Variants in GPC6 observed in about 807,000 individuals in gnomAD.
The protein encoded by GPC6 is glypican 6, also known as glypican-6.
A neutral mutation model predicts 55.2 loss-of-function variants in GPC6; 14 were observed. That is an observed-to-expected ratio of 0.25 (90% CI 0.17 to 0.40). The LOEUF is 0.40. Among genes scored for constraint, GPC6 ranks in the 10% least tolerant of loss-of-function variants. GPC6 has a pLI of 1.00. For synonymous variants in GPC6, 278 were observed against 259.6 expected (o/e 1.07, Z -0.68); for missense variants, 641 against 708.5 (o/e 0.90, Z 1.08).
intron 4 of GPC6, among the ~76,000 whole-genome samples, chr13:94,154,758 A>G (rs1887867515): frequency 6.6e-6 from 1 of 152,214 alleles, no homozygotes; most frequent in South Asian, 2.1e-4. Flanking sequence ...TCTGCCTTTT[A>G]AGACGTTCTG....
At chr13:93,504,621 A>G (rs577958169) in intron 1 of GPC6, among the ~76,000 whole-genome samples, 1 of 151,986 alleles carries the variant, frequency 6.6e-6, no homozygotes, top group East Asian at 1.9e-4. Flanking sequence ...TATTAAATGA[A>G]TGAATGCATT....
At chr13:93,861,505 A>G (rs1251591963) in intron 3 of GPC6, among the ~76,000 whole-genome samples, 5 of 151,618 alleles carry the variant, frequency 3.3e-5, no homozygotes, top group Non-Finnish European at 5.9e-5. Flanking sequence ...CACTGAATGT[A>G]GATAGGACGG....
chr13:93,676,541 A>G (rs1208778399), intron 2 of GPC6, among the ~76,000 whole-genome samples: 1 of 152,076 alleles, frequency 6.6e-6, no homozygotes, highest in Non-Finnish European at 1.5e-5. Flanking sequence ...CAGGGTAGGG[A>G]CTGTTGAGAA....
chr13:94,364,777 T>G (rs1034214629), intron 6 of GPC6, among the ~76,000 whole-genome samples: 1 of 151,968 alleles, frequency 6.6e-6, no homozygotes, highest in African/African-American at 2.4e-5. Context: ...TGTGTGGGGG[T>G]GGGGGTGTTT....
chr13:93,349,507 C>T (rs559494647), intron 1 of GPC6, among the ~76,000 whole-genome samples: 101 of 152,092 alleles, frequency 6.6e-4, no homozygotes, highest in African/African-American at 2.4e-3. Context: ...ATATAATCTC[C>T]GTGTGATTAA....
At chr13:93,753,071 G>C (rs1049485946) in intron 2 of GPC6, among the ~76,000 whole-genome samples, 1 of 152,184 alleles carries the variant, frequency 6.6e-6, no homozygotes, top group African/African-American at 2.4e-5. Flanking sequence ...TTAAGAGGGA[G>C]TTCTTGCTTG....
At chr13:93,983,978 A>G (rs1455616412) in intron 3 of GPC6, among the ~76,000 whole-genome samples, 1 of 152,324 alleles carries the variant, frequency 6.6e-6, no homozygotes, top group East Asian at 1.9e-4. Context: ...AAAAATTGAA[A>G]AGAAAAAAAT....
intron 1 of GPC6, among the ~76,000 whole-genome samples, chr13:93,491,756 AG>A (rs1255215401): frequency 7.9e-6 from 1 of 126,482 alleles, no homozygotes; most frequent in Non-Finnish European, 1.7e-5. Context: ...CAGTTTTCCC[AG>A]CACCATTTAT....
chr13:94,286,286 A>C, intron 4 of GPC6, 63 bp from the exon 5 acceptor site: 133 of 1,574,430 alleles, frequency 8.4e-5, no homozygotes, highest in Non-Finnish European at 1.1e-4. Context: ...ACAATGTTTA[A>C]ACACAGGTTG....
intron 4 of GPC6, among the ~76,000 whole-genome samples, chr13:94,275,278 A>G (rs1055911373): frequency 1.3e-5 from 2 of 152,202 alleles, no homozygotes; most frequent in East Asian, 3.8e-4. Context: ...GATCATTGCT[A>G]TGAAGAATCA....
intron 5 of GPC6, among the ~76,000 whole-genome samples, chr13:94,290,958 C>G (rs1594137506): frequency 6.6e-6 from 1 of 152,232 alleles, no homozygotes; most frequent in East Asian, 1.9e-4. Flanking sequence ...TTGGGAGGCC[C>G]AGGTGGGCAG....
chr13:94,085,633 T>C (rs929581458), intron 4 of GPC6, among the ~76,000 whole-genome samples: 1 of 152,162 alleles, frequency 6.6e-6, no homozygotes, highest in African/African-American at 2.4e-5. Flanking sequence ...AATACGATTA[T>C]ATTTAATCCT....
In GPC6 at chr13:93,359,255, C is replaced by T. The variant is rs183553896; in HGVS notation, c.160+131639C>T. ...TGCCAGGATTACAGGCATGAGCCAC[C>T]GCACCCAACCTAATATTCTTGTGTA... On this transcript the variant is annotated intron_variant, in intron 1 of 8. Transcript: ENST00000377047. Among the ~76,000 whole-genome samples, 314 of 152,128 alleles carry T rather than the reference C, an allele frequency of 2.1e-3. 1 individual carries two copies. Among genetic ancestry groups the T allele is most frequent in the Non-Finnish European group, 3.6e-3 (244 of 68,002 alleles).
chr13:93,586,038 GT>G (rs1877183486), intron 2 of GPC6, among the ~76,000 whole-genome samples: 1 of 151,894 alleles, frequency 6.6e-6, no homozygotes, highest in South Asian at 2.1e-4. Context: ...ATGGGGGTTT[GT>G]TGTACAGATT....
intron 2 of GPC6, among the ~76,000 whole-genome samples, chr13:93,586,063 G>C (rs190597206): frequency 6.6e-6 from 1 of 152,050 alleles, no homozygotes; most frequent in Admixed American, 6.5e-5. Context: ...CCATCACCCA[G>C]GTATTAAGCC....
At chr13:93,413,505 T>A (rs1346929596) in intron 1 of GPC6, among the ~76,000 whole-genome samples, 1 of 152,122 alleles carries the variant, frequency 6.6e-6, no homozygotes, top group Non-Finnish European at 1.5e-5. Flanking sequence ...AAGTGGACCC[T>A]TATTTAACTT....
intron 4 of GPC6, among the ~76,000 whole-genome samples, chr13:94,254,775 A>G (rs1891455872): frequency 1.3e-5 from 2 of 152,162 alleles, no homozygotes; most frequent in African/African-American, 4.8e-5. Flanking sequence ...AATACAGTGT[A>G]GTCAAATATG....
In GPC6 at chr13:93,822,888, G is replaced by T. The variant is rs191216973; in HGVS notation, c.320-7266G>T. Among the ~76,000 whole-genome samples, 377 of 149,364 alleles carry T rather than the reference G, an allele frequency of 2.5e-3. 4 individuals are homozygous for T. The highest frequency in any genetic ancestry group is 4.6e-3 in the Non-Finnish European group (311 of 67,462). ...TATTATTATTATTTTCTTTGAGATG[G>T]AGTCTCGCTCTGTCACCCAGGCTGG... is the stretch of plus-strand genomic sequence containing the variant. On this transcript the variant is annotated intron_variant, in intron 2 of 8. Coordinates refer to ENST00000377047, the MANE Select transcript of GPC6 (RefSeq NM_005708.5).
chr13:94,061,589 C>T (rs1418454843), intron 4 of GPC6, among the ~76,000 whole-genome samples: 1 of 151,918 alleles, frequency 6.6e-6, no homozygotes, highest in Non-Finnish European at 1.5e-5. Flanking sequence ...CATGGAAGCC[C>T]TGGGCAATGC....
Sources: allele counts gnomAD v4.1 joint callset (sites outside exome capture counted in the v4.1 genomes callset), GRCh38; gene constraint gnomAD v4.1.1; transcripts MANE v1.5; gene names NCBI Gene and HGNC (gene_info 2026-07-23, HGNC 2026-07-21).